The following TMEM131 variants were observed in gnomAD, a reference collection of about 807,000 sequenced individuals.
TMEM131 encodes 2610524E03Rik.
A neutral mutation model predicts 211.6 loss-of-function variants in TMEM131; 66 were observed. The ratio of observed to expected loss-of-function variants is 0.31; its 90% CI spans 0.26 to 0.38. The LOEUF is 0.38. TMEM131 is among the 10% of genes least tolerant of loss of function. The pLI is 1.00. For synonymous variants in TMEM131, 844 were observed against 841.3 expected, an observed-to-expected ratio of 1.00 and a Z score of -0.06; for missense variants, 2,036 against 2,299.3, an observed-to-expected ratio of 0.89 and a Z score of 2.34.
At chr2:97,817,821 G>A (rs530628854) in intron 12 of TMEM131, among the ~76,000 whole-genome samples, 43 of 152,274 alleles carry the variant, frequency 2.8e-4, no homozygotes, top group African/African-American at 1.0e-3. Context: ...GAGGAGCTGA[G>A]CTTTACTATG....
intron 1 of TMEM131, among the ~76,000 whole-genome samples, chr2:97,981,708 T>C (rs1056589177): frequency 1.3e-5 from 2 of 152,214 alleles, no homozygotes; most frequent in Non-Finnish European, 2.9e-5. Context: ...AGTCACTCCC[T>C]ACACTGCTCT....
At chr2:97,889,568 T>C (rs918942617) in intron 3 of TMEM131, among the ~76,000 whole-genome samples, 1 of 148,334 alleles carries the variant, frequency 6.7e-6, no homozygotes, top group Non-Finnish European at 1.5e-5. Flanking sequence ...TATTCCTATA[T>C]ATAATATATA....
At chr2:97,915,204 G>C (rs934629619) in intron 2 of TMEM131, among the ~76,000 whole-genome samples, 1 of 152,144 alleles carries the variant, frequency 6.6e-6, no homozygotes, top group Non-Finnish European at 1.5e-5. Flanking sequence ...ATTGAGTTTC[G>C]AGAGTTCTTT....
chr2:97,943,239 C>T (rs970034677), intron 1 of TMEM131, among the ~76,000 whole-genome samples: 2 of 151,964 alleles, frequency 1.3e-5, no homozygotes, highest in African/African-American at 2.4e-5. Context: ...CAAGGCAAGA[C>T]CCTGTCTCTA....
chr2:97,780,470 G>A (rs886896189), intron 31 of TMEM131, among the ~76,000 whole-genome samples: 16 of 151,996 alleles, frequency 1.1e-4, no homozygotes, highest in African/African-American at 3.9e-4. Flanking sequence ...TTTCTACACT[G>A]TCAGTAGCCC....
At chr2:97,767,750 C>T (rs1679243651) in intron 33 of TMEM131, among the ~76,000 whole-genome samples, 1 of 152,198 alleles carries the variant, frequency 6.6e-6, no homozygotes. Context: ...GCTTTCTGCT[C>T]CCAACCCTCA....
chr2:97,942,963 A>T (rs921854261), intron 1 of TMEM131, among the ~76,000 whole-genome samples: 1 of 148,976 alleles, frequency 6.7e-6, no homozygotes, highest in East Asian at 2.0e-4. Flanking sequence ...GGCTACAAAA[A>T]AAAAGAAAGA....
chr2:97,930,907 T>C lies in TMEM131; in HGVS notation c.188-3420A>G, dbSNP rs1045103470. On this transcript the variant is annotated intron_variant, in intron 1 of 40. Coordinates refer to ENST00000186436, the MANE Select transcript of TMEM131 (RefSeq NM_015348.2). ...AAATAAACTAATAATTACTGATCAC[T>C]GTTGTTAATATTCAAACTAACCCTA... 4.6e-5 allele frequency among the ~76,000 whole-genome samples: 7 copies of C among 150,776 alleles called. No individual in the cohort carries two copies. The South Asian group carries it at 1.0e-3, about 22-fold the overall frequency.
chr2:97,899,254 G>A (rs1051446941), intron 3 of TMEM131, among the ~76,000 whole-genome samples: 2 of 151,970 alleles, frequency 1.3e-5, no homozygotes, highest in Admixed American at 6.6e-5. Flanking sequence ...TGTTTTCCTA[G>A]GTCTTTTTAC....
At chr2:97,972,602 G>A (rs1679356866) in intron 1 of TMEM131, among the ~76,000 whole-genome samples, 1 of 152,034 alleles carries the variant, frequency 6.6e-6, no homozygotes, top group Non-Finnish European at 1.5e-5. Flanking sequence ...ACTCCAAGAC[G>A]CCCACATCCT....
chr2:97,768,044 A>G (rs974683232), intron 33 of TMEM131, among the ~76,000 whole-genome samples: 11 of 148,178 alleles, frequency 7.4e-5, no homozygotes, highest in African/African-American at 2.4e-4. Context: ...AACATTTTAT[A>G]AGGTGGTAGG....
chr2:97,853,605 T>TG (rs1275389447), intron 5 of TMEM131, among the ~76,000 whole-genome samples: 3 of 103,770 alleles, frequency 2.9e-5, no homozygotes, highest in Non-Finnish European at 4.3e-5. Flanking sequence ...GACCCCGTCT[T>TG]GGAAAAAAAA....
chr2:97,975,569 T>G (rs759190358), intron 1 of TMEM131, among the ~76,000 whole-genome samples: 5 of 152,098 alleles, frequency 3.3e-5, no homozygotes, highest in African/African-American at 4.8e-5. Flanking sequence ...CAAAGTTCAC[T>G]CAGGAAGAAA....
At chr2:97,953,388 C>T (rs1678414745) in intron 1 of TMEM131, among the ~76,000 whole-genome samples, 1 of 152,084 alleles carries the variant, frequency 6.6e-6, no homozygotes, top group African/African-American at 2.4e-5. Flanking sequence ...ACAGGTATGG[C>T]TATGTTAACA....
chr2:97,976,918 T>C (rs1013202260), intron 1 of TMEM131, among the ~76,000 whole-genome samples: 29 of 147,936 alleles, frequency 2.0e-4, no homozygotes, highest in African/African-American at 6.6e-4. Flanking sequence ...GTCTTTTTAA[T>C]TGACTTTTTA....
chr2:97,851,313 T>C (rs1673619443), intron 5 of TMEM131, among the ~76,000 whole-genome samples: 1 of 152,186 alleles, frequency 6.6e-6, no homozygotes, highest in Admixed American at 6.5e-5. Flanking sequence ...AAACCCGTTC[T>C]ACCCTCTGCC....
chr2:97,782,508 A>C (rs759139504), intron 31 of TMEM131, among the ~76,000 whole-genome samples: 57 of 152,300 alleles, frequency 3.7e-4, no homozygotes, highest in South Asian at 1.4e-3. Context: ...CACAAACAAA[A>C]CAATAAACAG....
chr2:97,947,993 C>T (rs1204588018), intron 1 of TMEM131, among the ~76,000 whole-genome samples: 1 of 152,008 alleles, frequency 6.6e-6, no homozygotes, highest in Non-Finnish European at 1.5e-5. Context: ...GAAAGAAAAA[C>T]AAAAGAGAAT....
At position 97,829,634 on chromosome 2, in the gene TMEM131, G is replaced by T. The variant is rs140100490; in HGVS notation, c.1074+3731C>A. Among the ~76,000 whole-genome samples the T allele has an allele frequency of 1.2e-3, 179 of 152,282 alleles. 1 individual carries two copies. The highest frequency in any genetic ancestry group is 4.2e-3 in the African/African-American group (173 of 41,550). On this transcript the variant is annotated intron_variant, in intron 11 of 40. Coordinates refer to ENST00000186436, the MANE Select transcript of TMEM131 (RefSeq NM_015348.2). ...AACTAGGGTCCCCTTCCACGCTGTG[G>T]AAGCTTTGTTCTTTCGCTCTTAATA... is the stretch of plus-strand genomic sequence containing the variant.
Sources: allele counts gnomAD v4.1 joint callset (sites outside exome capture counted in the v4.1 genomes callset), GRCh38; gene constraint gnomAD v4.1.1; transcripts MANE v1.5; gene names NCBI Gene and HGNC (gene_info 2026-07-23, HGNC 2026-07-21).